MRAS: variants seen among roughly 807,000 people sequenced by gnomAD.
MRAS encodes ras-related protein M-Ras.
Under a neutral mutation model 20.9 loss-of-function variants are expected in MRAS, and 4 were observed. That is an observed-to-expected ratio of 0.19 (90% CI 0.09 to 0.44). The LOEUF is 0.44. Among genes scored for constraint, MRAS ranks in the 20% least tolerant of loss-of-function variants. The pLI is 0.99. For synonymous variants in MRAS, 98 were observed against 102.9 expected, an observed-to-expected ratio of 0.95 and a Z score of 0.29; for missense variants, 154 against 277.5, an observed-to-expected ratio of 0.56 and a Z score of 3.16.
At chr3:138,355,355 A>G (rs774552258) in intron 1 of MRAS, among the ~76,000 whole-genome samples, 18 of 152,100 alleles carry the variant, frequency 1.2e-4, no homozygotes, top group Non-Finnish European at 2.4e-4. Flanking sequence ...CCACCTACTG[A>G]TTGACTCCTG....
At chr3:138,359,594 C>T (rs1358248499) in intron 1 of MRAS, among the ~76,000 whole-genome samples, 3 of 152,208 alleles carry the variant, frequency 2.0e-5, no homozygotes, top group South Asian at 2.1e-4. Context: ...AGCAAAGCAG[C>T]AGCCTTTTTT....
intron 2 of MRAS, among the ~76,000 whole-genome samples, chr3:138,394,533 T>C (rs1430936127): frequency 6.6e-6 from 1 of 151,526 alleles, no homozygotes; most frequent in Non-Finnish European, 1.5e-5. Flanking sequence ...CCTGTGGCTT[T>C]CCTTGCCATC....
At chr3:138,371,756 T>C (rs1028915878) in intron 1 of MRAS, among the ~76,000 whole-genome samples, 2 of 152,156 alleles carry the variant, frequency 1.3e-5, no homozygotes, top group Non-Finnish European at 2.9e-5. Context: ...TCCAAATTGT[T>C]CTTTAGGGGA....
At chr3:138,383,759 A>G (rs777814507) in intron 2 of MRAS, among the ~76,000 whole-genome samples, 9 of 152,238 alleles carry the variant, frequency 5.9e-5, no homozygotes, top group Non-Finnish European at 1.3e-4. Flanking sequence ...AGCAATTGGC[A>G]AATCAAAGCC....
rs1419213597 is a variant in MRAS at position 138,398,583 on chromosome 3, G to A, written c.447+15G>A. 1.2e-6 allele frequency: 2 copies of A among 1,609,960 alleles called. No individual in the cohort carries two copies. Among genetic ancestry groups the A allele is most frequent in the Non-Finnish European group, 1.7e-6 (2 of 1,176,204 alleles). On this transcript the variant is annotated intron_variant, in intron 4 of 5. Transcript: ENST00000423968. ...CCAAACACAATGTAGGTGTGTGCGT[G>A]TGTGTAGAGGGGGTCAGGAGATGTG...
chr3:138,397,469 C>G lies in MRAS; in HGVS notation c.339C>G (p.Val113=). 3 of 1,614,088 alleles carry G rather than the reference C, an allele frequency of 1.9e-6. No homozygotes were observed. In the South Asian group the frequency reaches 3.3e-5, roughly 18 times the overall value. The stretch of plus-strand genomic sequence containing the variant: ...GCTTCCACCAGCTTATCCTGCGCGT[C>G]AAAGACAGGTGAGCATCAAAGACAG... ...VDRFHQLILR[V]KDRESFPMIL... Residue 113 remains valine (V), a synonymous_variant, in exon 3 of 6, where the codon GTC becomes GTG. Transcript: ENST00000423968.
intron 2 of MRAS, among the ~76,000 whole-genome samples, chr3:138,385,201 T>C (rs1447107828): frequency 6.7e-6 from 1 of 148,714 alleles, no homozygotes; most frequent in Non-Finnish European, 1.5e-5. Context: ...AGGGTCTTGC[T>C]TTGTCACCCA....
intron 2 of MRAS, among the ~76,000 whole-genome samples, chr3:138,383,089 C>T (rs1400588039): frequency 1.3e-5 from 2 of 152,184 alleles, no homozygotes; most frequent in Admixed American, 6.5e-5. Context: ...AAATGAGATA[C>T]ACCTCATAGT....
chr3:138,369,489 G>A (rs1012322724), intron 1 of MRAS, among the ~76,000 whole-genome samples: 8 of 152,078 alleles, frequency 5.3e-5, no homozygotes, highest in East Asian at 1.9e-4. Context: ...AAGGGGCTGC[G>A]GCACGGGTGT....
intron 2 of MRAS, among the ~76,000 whole-genome samples, chr3:138,393,842 A>G (rs2055178654): frequency 2.6e-5 from 4 of 152,090 alleles, no homozygotes; most frequent in Non-Finnish European, 5.9e-5. Context: ...GGCACCTGCC[A>G]CCATGCCCAG....
At chr3:138,394,370 C>T (rs2055191770) in intron 2 of MRAS, among the ~76,000 whole-genome samples, 1 of 152,136 alleles carries the variant, frequency 6.6e-6, no homozygotes, top group Admixed American at 6.5e-5. Context: ...CCTCTTGGGT[C>T]CTCTTGTCCA....
intron 2 of MRAS, among the ~76,000 whole-genome samples, chr3:138,377,741 T>A (rs79065223): frequency 6.6e-6 from 1 of 152,340 alleles, no homozygotes; most frequent in Non-Finnish European, 1.5e-5. Flanking sequence ...ATCTCAACTC[T>A]GCAGTTTCTC....
chr3:138,402,254 A>T lies in MRAS; in HGVS notation c.612A>T (p.Gln204His). The T allele has an allele frequency of 1.9e-6, 3 of 1,614,142 alleles. No homozygotes were observed. Among genetic ancestry groups the T allele is most frequent in the Non-Finnish European group, 2.5e-6 (3 of 1,179,958 alleles). ...GGGCCACAGGCACCCACAAACTGCA[A>T]TGTGTGATCTTGTGACAGGCCTGAG... ...GDRATGTHKL[Q>H]CVIL The change falls in exon 6 of 6, where the codon CAA becomes CAT. Residue 204 changes from glutamine (Q) to histidine (H), a missense_variant. Gln to His is a conservative substitution (Grantham distance 24). Around this residue, in one of 3 missense-constraint regions of MRAS, gnomAD observed 125 missense variants for 213.5 expected, o/e 0.59. Coordinates refer to ENST00000423968, the MANE Select transcript of MRAS (RefSeq NM_001085049.3).
At chr3:138,400,692 C>A in intron 5 of MRAS, 79 bp downstream of exon 5, 2 of 1,234,824 alleles carry the variant, frequency 1.6e-6, no homozygotes, top group Non-Finnish European at 2.4e-6. Flanking sequence ...CTTGAGGAAG[C>A]AGCTCCTGTT....
intron 2 of MRAS, among the ~76,000 whole-genome samples, chr3:138,394,594 C>T (rs909380364): frequency 2.6e-5 from 4 of 152,200 alleles, no homozygotes; most frequent in African/African-American, 9.7e-5. Flanking sequence ...CTTCTCTTCT[C>T]TATGTCTGAC....
At chr3:138,372,783 T>C in intron 1 of MRAS, 83 bp from the exon 2 acceptor site, 1 of 1,038,100 alleles carries the variant, frequency 9.6e-7, no homozygotes, top group Non-Finnish European at 1.3e-6. Context: ...AGAGTATTAC[T>C]TTATAAAGGA....
At chr3:138,368,250 G>T (rs2054603151) in intron 1 of MRAS, among the ~76,000 whole-genome samples, 1 of 152,242 alleles carries the variant, frequency 6.6e-6, no homozygotes, top group South Asian at 2.1e-4. Flanking sequence ...ATGCTGAGAG[G>T]AGGCTGGGAA....
intron 2 of MRAS, among the ~76,000 whole-genome samples, chr3:138,378,511 C>G (rs550684846): frequency 1.3e-5 from 2 of 152,312 alleles, no homozygotes; most frequent in East Asian, 3.9e-4. Flanking sequence ...TCTTCCTCCC[C>G]GTCTGGTCCC....
intron 2 of MRAS, among the ~76,000 whole-genome samples, chr3:138,375,552 C>G (rs1030314909): frequency 1.3e-5 from 2 of 152,152 alleles, no homozygotes; most frequent in Non-Finnish European, 2.9e-5. Flanking sequence ...CTCTGTTACC[C>G]AGGCTGGAGT....
Sources: gnomAD v4.1 joint callset for allele counts (sites outside exome capture counted in the v4.1 genomes callset) on GRCh38, gnomAD v4.1.1 for gene constraint, gnomAD v4.1.1 regional missense constraint, MANE v1.5 for transcripts, NCBI Gene and HGNC (gene_info 2026-07-23, HGNC 2026-07-21) for gene names.